The following CLNK variants were observed in gnomAD, a reference collection of about 807,000 sequenced individuals.
CLNK encodes cytokine dependent hematopoietic cell linker.
CLNK carries 74 observed loss-of-function variants against 68.6 expected under a neutral mutation model. The observed-to-expected ratio is 1.08, with a 90% CI of 0.89 to 1.31. CLNK has a LOEUF of 1.31. Ranked by LOEUF, CLNK falls within the 50% of genes most tolerant of loss-of-function variation. The pLI is 0.00. For synonymous variants in CLNK, 198 were observed against 172.2 expected (o/e 1.15, Z -1.17); for missense variants, 553 against 515.3 (o/e 1.07, Z -0.71).
chr4:10,524,799 T>C lies in CLNK; in HGVS notation c.731+1042A>G, dbSNP rs952232375. On this transcript the variant is annotated intron_variant, in intron 14 of 18. Coordinates refer to ENST00000226951, the MANE Select transcript of CLNK (RefSeq NM_052964.4). ...TAGGAGTGTTCCAATAGGGAGAGGG[T>C]GGAGAGGAGCAAATACGGGGGGAGG... Among the ~76,000 whole-genome samples the C allele has an allele frequency of 4.0e-4, 61 of 151,316 alleles. 1 individual carries two copies. The highest frequency in any genetic ancestry group is 1.4e-3 in the African/African-American group (56 of 41,208).
At chr4:10,639,904 C>T (rs1015423822) in intron 2 of CLNK, among the ~76,000 whole-genome samples, 6 of 152,318 alleles carry the variant, frequency 3.9e-5, no homozygotes, top group African/African-American at 1.4e-4. Flanking sequence ...GTTATTTCTT[C>T]CATGACGCAC....
rs997629222 is a variant in CLNK at position 10,575,406 on chromosome 4, T to G, written c.113-3628A>C. Among the ~76,000 whole-genome samples the G allele has an allele frequency of 3.9e-5, 6 of 152,208 alleles. No individual in the cohort carries two copies. The East Asian group carries it at 1.2e-3, about 29-fold the overall frequency. ...GATCTTTGTCCACCATCCAACTGTG[T>G]CTGAAATGTCATCTCCCCTGGAGGG... On this transcript the variant is annotated intron_variant, in intron 4 of 18. Coordinates refer to ENST00000226951, the MANE Select transcript of CLNK (RefSeq NM_052964.4).
chr4:10,699,512 A>ATATTT, the CLNK span, among the ~76,000 whole-genome samples: 42 of 32,758 alleles, frequency 1.3e-3, no homozygotes, highest in African/African-American at 4.6e-3. Context: ...ATATATATAT[A>ATATTT]TTTTTTTTTT....
intron 17 of CLNK, among the ~76,000 whole-genome samples, chr4:10,503,157 A>G (rs1311727488): frequency 6.6e-6 from 1 of 152,174 alleles, no homozygotes; most frequent in Non-Finnish European, 1.5e-5. Flanking sequence ...ATAGATGGTT[A>G]TAAGTGATCT....
intron 16 of CLNK, among the ~76,000 whole-genome samples, chr4:10,512,272 C>A (rs571238416): frequency 1.3e-5 from 2 of 151,766 alleles, no homozygotes; most frequent in Admixed American, 1.3e-4. Context: ...GCTCTGTTGC[C>A]CAGGCTGGAG....
chr4:10,630,662 T>C (rs188200911), intron 2 of CLNK, among the ~76,000 whole-genome samples: 3 of 152,366 alleles, frequency 2.0e-5, no homozygotes, highest in Admixed American at 2.0e-4. Flanking sequence ...CTACACCATC[T>C]GAGCATCCTT....
Position 10,528,106 on chromosome 4 carries a change from T to TAA in CLNK, c.631-14_631-13dup. On this transcript the variant is annotated splice_polypyrimidine_tract_variant and intron_variant, in intron 12 of 18. Coordinates refer to ENST00000226951, the MANE Select transcript of CLNK (RefSeq NM_052964.4). ...TCTGCTTCAAGGACCTGTATTGAAT[T>TAA]AAAAAAAATAAAATTTACTGACTCT... The TAA allele has an allele frequency of 7.9e-7, 1 of 1,273,272 alleles. No individual in the cohort carries two copies. The highest frequency in any genetic ancestry group is 3.0e-5 in the East Asian group (1 of 33,766). 78.9% of individuals were successfully genotyped at this position (1,273,272 alleles called of 1,614,324 possible). A position where few individuals can be genotyped will look rare whatever the true frequency, so the allele number is the denominator to read the frequency against.
intron 3 of CLNK, among the ~76,000 whole-genome samples, chr4:10,586,111 A>C (rs910093371): frequency 1.3e-5 from 2 of 151,936 alleles, no homozygotes; most frequent in African/African-American, 4.8e-5. Flanking sequence ...ACAGGAGACA[A>C]AGCTTAGGCG....
At chr4:10,496,507 C>T (rs1716814710) in intron 18 of CLNK, among the ~76,000 whole-genome samples, 1 of 152,208 alleles carries the variant, frequency 6.6e-6, no homozygotes, top group Non-Finnish European at 1.5e-5. Context: ...GAAGAACCAC[C>T]TGTGAATTGT....
At chr4:10,660,851 T>TATC (rs1560267528) in intron 2 of CLNK, among the ~76,000 whole-genome samples, 2 of 152,248 alleles carry the variant, frequency 1.3e-5, no homozygotes, top group Non-Finnish European at 2.9e-5. Flanking sequence ...TGGCAAACTC[T>TATC]ATCTCTGGAT....
intron 16 of CLNK, among the ~76,000 whole-genome samples, chr4:10,510,151 G>A (rs188609054): frequency 1.4e-4 from 21 of 152,344 alleles, no homozygotes; most frequent in Admixed American, 1.2e-3. Flanking sequence ...GTGTGATCAT[G>A]AGGGATGGCT....
chr4:10,701,083 A>C, the CLNK span, among the ~76,000 whole-genome samples: 2 of 152,150 alleles, frequency 1.3e-5, no homozygotes, highest in Admixed American at 6.5e-5. Flanking sequence ...TTCTTCTTCC[A>C]ATTCTTCCAT....
chr4:10,664,307 A>G (rs1487742426), intron 2 of CLNK, among the ~76,000 whole-genome samples: 1 of 152,178 alleles, frequency 6.6e-6, no homozygotes, highest in African/African-American at 2.4e-5. Flanking sequence ...TTTTTGTTTA[A>G]AGCCTCCCTG....
chr4:10,573,310 A>G (rs963732360), intron 4 of CLNK, among the ~76,000 whole-genome samples: 1 of 152,208 alleles, frequency 6.6e-6, no homozygotes, highest in Non-Finnish European at 1.5e-5. Context: ...ACCAGTACAT[A>G]TGGGAAGTGT....
At chr4:10,556,531 G>A (rs1213859471) in intron 8 of CLNK, among the ~76,000 whole-genome samples, 1 of 152,202 alleles carries the variant, frequency 6.6e-6, no homozygotes, top group African/African-American at 2.4e-5. Flanking sequence ...GAAGAAGTGA[G>A]AGTGGATGCC....
chr4:10,558,556 G>A, intron 7 of CLNK, 104 bp from the exon 8 acceptor site: 1 of 1,034,194 alleles, frequency 9.7e-7, no homozygotes, highest in Non-Finnish European at 1.5e-6. Context: ...AAAGCCGTAA[G>A]TCCCTGGGCT....
At chr4:10,678,223 G>A (rs1217453362) in intron 1 of CLNK, among the ~76,000 whole-genome samples, 1 of 152,176 alleles carries the variant, frequency 6.6e-6, no homozygotes, top group East Asian at 1.9e-4. Context: ...TACAACTTGA[G>A]TCTCAGCTTC....
At chr4:10,569,260 G>A (rs1017890153) in intron 5 of CLNK, among the ~76,000 whole-genome samples, 4 of 147,082 alleles carry the variant, frequency 2.7e-5, no homozygotes, top group African/African-American at 1.0e-4. Flanking sequence ...CAGACCATTG[G>A]TACTGCACAA....
chr4:10,490,573 T>A lies in CLNK; in HGVS notation c.1181A>T (p.Asn394Ile). Residue 394 changes from asparagine (N) to isoleucine (I), a missense_variant, in exon 19 of 19, where the codon AAT becomes ATT. Transcript: ENST00000226951. ...CCCATCAATTAGTATAATGGGAAAA[T>A]TCTTGTAGTGTTCGATGATGTCTTC... The part of the protein sequence containing the change: ...SVEDIIEHYK[N>I]FPIILIDGKD... 1 of 1,590,628 alleles carries A rather than the reference T, an allele frequency of 6.3e-7. No individual in the cohort carries two copies.
Sources: gnomAD v4.1 joint callset for allele counts (sites outside exome capture counted in the v4.1 genomes callset) on GRCh38, gnomAD v4.1.1 for gene constraint, MANE v1.5 for transcripts, NCBI Gene and HGNC (gene_info 2026-07-23, HGNC 2026-07-21) for gene names.